ANKS1B: variants seen among roughly 807,000 people sequenced by gnomAD.
ANKS1B encodes ankyrin repeat and sterile alpha motif domain containing 1B.
Under a neutral mutation model 148.3 loss-of-function variants are expected in ANKS1B, and 36 were observed. The observed-to-expected ratio is 0.24, with a 90% CI of 0.19 to 0.32. The LOEUF is 0.32. Among genes scored for constraint, ANKS1B ranks in the 10% least tolerant of loss-of-function variants. The pLI is 1.00. For missense variants in ANKS1B, 1,157 were observed against 1,542.6 expected (o/e 0.75, Z 4.19); for synonymous variants, 542 against 560.8 (o/e 0.97, Z 0.47).
chr12:98,791,024 G>T (rs906999543), intron 22 of ANKS1B, among the ~76,000 whole-genome samples: 1 of 152,182 alleles, frequency 6.6e-6, no homozygotes, highest in Non-Finnish European at 1.5e-5. Flanking sequence ...GTGCTCTTTA[G>T]CCTTCTAGAG....
intron 17 of ANKS1B, among the ~76,000 whole-genome samples, chr12:98,948,036 C>A (rs1409531949): frequency 2.6e-5 from 4 of 151,744 alleles, no homozygotes; most frequent in Non-Finnish European, 4.4e-5. Context: ...TTTGTAATTA[C>A]AAATCTAGCA....
chr12:98,812,699 G>A (rs1195498755), intron 19 of ANKS1B, among the ~76,000 whole-genome samples: 3 of 151,884 alleles, frequency 2.0e-5, no homozygotes, highest in Non-Finnish European at 2.9e-5. Flanking sequence ...TCAGCCACTC[G>A]AGAAGCTGGG....
rs1312414671 is a variant in ANKS1B at position 99,491,769 on chromosome 12, T to C, written c.1438+12707A>G. On this transcript the variant is annotated intron_variant, in intron 10 of 26. Transcript: ENST00000683438. The stretch of plus-strand genomic sequence containing the variant: ...GGCTCAAAAAATAAACTCAAAATCA[T>C]GCAATTACATGGAAATTAAACAACC... 3.9e-5 allele frequency among the ~76,000 whole-genome samples: 6 copies of C among 152,254 alleles called. No homozygotes were observed. In the East Asian group the frequency reaches 1.2e-3, roughly 29 times the overall value.
chr12:99,508,288 T>C (rs1286228117), intron 9 of ANKS1B, among the ~76,000 whole-genome samples: 1 of 151,822 alleles, frequency 6.6e-6, no homozygotes, highest in East Asian at 1.9e-4. Flanking sequence ...TGAAGTCTCT[T>C]GGAGCAAGTA....
At chr12:99,414,085 A>G (rs1594314974) in intron 11 of ANKS1B, among the ~76,000 whole-genome samples, 2 of 146,448 alleles carry the variant, frequency 1.4e-5, no homozygotes, top group South Asian at 2.2e-4. Context: ...TCCTCTGAAC[A>G]CCCCTACTCC....
At chr12:99,708,859 T>G (rs1227213011) in intron 8 of ANKS1B, among the ~76,000 whole-genome samples, 3 of 152,184 alleles carry the variant, frequency 2.0e-5, no homozygotes, top group Non-Finnish European at 4.4e-5. Context: ...TTTTGGGAGC[T>G]ATTATTCAGC....
chr12:99,086,275 T>C (rs188160333), intron 15 of ANKS1B, among the ~76,000 whole-genome samples: 52 of 152,236 alleles, frequency 3.4e-4, no homozygotes, highest in African/African-American at 1.2e-3. Context: ...GGTTAAGGCA[T>C]AGCACCTAAA....
intron 12 of ANKS1B, among the ~76,000 whole-genome samples, chr12:99,294,021 T>G (rs2080457412): frequency 6.6e-6 from 1 of 151,930 alleles, no homozygotes; most frequent in African/African-American, 2.4e-5. Context: ...AAAATACGAG[T>G]AATAATGAAT....
At chr12:99,358,956 A>C (rs948719191) in intron 12 of ANKS1B, among the ~76,000 whole-genome samples, 2 of 152,138 alleles carry the variant, frequency 1.3e-5, no homozygotes, top group African/African-American at 4.8e-5. Flanking sequence ...GCCATGGGGG[A>C]GAAAGAAAAG....
chr12:99,146,046 G>A (rs1332053380), intron 15 of ANKS1B, among the ~76,000 whole-genome samples: 1 of 151,958 alleles, frequency 6.6e-6, no homozygotes, highest in Non-Finnish European at 1.5e-5. Context: ...AAACTATATA[G>A]AATTATGGGT....
At chr12:99,372,089 T>C (rs2093165608) in intron 12 of ANKS1B, among the ~76,000 whole-genome samples, 1 of 152,254 alleles carries the variant, frequency 6.6e-6, no homozygotes, top group Non-Finnish European at 1.5e-5. Flanking sequence ...ACCCATAGAA[T>C]GTACAACACC....
At chr12:99,766,588 T>C (rs1389711052) in intron 8 of ANKS1B, among the ~76,000 whole-genome samples, 1 of 152,144 alleles carries the variant, frequency 6.6e-6, no homozygotes, top group African/African-American at 2.4e-5. Context: ...CTACATTCCC[T>C]AATTCTTGCA....
chr12:99,626,173 AG>A (rs1468661258), intron 9 of ANKS1B, among the ~76,000 whole-genome samples: 5 of 152,188 alleles, frequency 3.3e-5, no homozygotes, highest in African/African-American at 4.8e-5. Flanking sequence ...TATAGTTTTT[AG>A]TTTTCTGGGC....
chr12:99,420,512 A>G (rs377450858), intron 11 of ANKS1B, among the ~76,000 whole-genome samples: 1 of 152,318 alleles, frequency 6.6e-6, no homozygotes, highest in East Asian at 1.9e-4. Flanking sequence ...TATGATAGCA[A>G]TAAGTTTTAA....
chr12:99,699,513 T>A (rs191804274), intron 8 of ANKS1B, among the ~76,000 whole-genome samples: 146 of 152,304 alleles, frequency 9.6e-4, no homozygotes, highest in Non-Finnish European at 1.7e-3. Flanking sequence ...TAATGCATTA[T>A]GCACAGTGGT....
At chr12:98,740,060 T>C (rs1332819830), downstream of ANKS1B, among the ~76,000 whole-genome samples, 3 of 152,130 alleles carry the variant, frequency 2.0e-5, no homozygotes, top group African/African-American at 7.2e-5. Flanking sequence ...CATCAAGTGG[T>C]AAAGAAGACT....
chr12:99,779,129 T>G (rs887296363), intron 6 of ANKS1B, among the ~76,000 whole-genome samples: 10 of 152,218 alleles, frequency 6.6e-5, no homozygotes, highest in African/African-American at 2.4e-4. Flanking sequence ...GTTATAAAAC[T>G]TTTAGTTCAA....
intron 10 of ANKS1B, among the ~76,000 whole-genome samples, chr12:99,488,551 A>C (rs1567199647): frequency 6.6e-6 from 1 of 152,138 alleles, no homozygotes; most frequent in African/African-American, 2.4e-5. Context: ...GCAAACCTCT[A>C]TCTTGCTTGT....
chr12:98,847,248 A>ATTG (rs151250282), intron 17 of ANKS1B, among the ~76,000 whole-genome samples: 3,057 of 152,284 alleles, frequency 0.02, 72 homozygotes, highest in East Asian at 0.089. Context: ...AAAATTTTCT[A>ATTG]TTTAACCATC....
Sources: gnomAD v4.1 joint callset for allele counts (sites outside exome capture counted in the v4.1 genomes callset) on GRCh38, gnomAD v4.1.1 for gene constraint, MANE v1.5 for transcripts, NCBI Gene and HGNC (gene_info 2026-07-23, HGNC 2026-07-21) for gene names.